Variants in SHANK2 observed in about 807,000 individuals in gnomAD.
The protein encoded by SHANK2 is SH3 and multiple ankyrin repeat domains 2, also known as SH3 and multiple ankyrin repeat domains protein 2.
Under a neutral mutation model 133.7 loss-of-function variants are expected in SHANK2, and 43 were observed. The ratio of observed to expected loss-of-function variants is 0.32; its 90% CI spans 0.25 to 0.41. The LOEUF is 0.41. SHANK2 is among the 10% of genes least tolerant of loss of function. The pLI is 1.00. For missense variants in SHANK2, 1,994 were observed against 2,235.8 expected (o/e 0.89, Z 2.18); for synonymous variants, 1,017 against 952.8 (o/e 1.07, Z -1.24).
intron 1 of SHANK2, among the ~76,000 whole-genome samples, chr11:71,250,554 C>A (rs1468052304): frequency 6.6e-6 from 1 of 152,212 alleles, no homozygotes; most frequent in African/African-American, 2.4e-5. Flanking sequence ...GGGGGCCGAG[C>A]TCGCTCTCCT....
In SHANK2 at chr11:70,502,263, G is replaced by C; in HGVS notation, c.2221C>G (p.Pro741Ala). Residue 741 changes from proline (P) to alanine (A), a missense_variant, in exon 19 of 26, where the codon CCG becomes GCG. Around this residue, in one of 5 missense-constraint regions of SHANK2, gnomAD observed 488 missense variants for 642.6 expected, o/e 0.76. Transcript: ENST00000601538. ...GAGCGCAGGGTGAGGGCTGTGGTCG[G>C]TGCCCGCTTTGGAGGCGGGGGAGCT... ...KKAPPPPKRA[P>A]TTALTLRSKS... The C allele has an allele frequency of 6.4e-7, 1 of 1,558,284 alleles. No individual in the cohort carries two copies. Among genetic ancestry groups the C allele is most frequent in the Non-Finnish European group, 8.7e-7 (1 of 1,149,832 alleles).
At chr11:70,601,624 T>C (rs782593095) in intron 17 of SHANK2, among the ~76,000 whole-genome samples, 7 of 152,150 alleles carry the variant, frequency 4.6e-5, no homozygotes, top group Non-Finnish European at 8.8e-5. Flanking sequence ...AGTGCTGAGA[T>C]TACAGGCGTG....
intron 11 of SHANK2, among the ~76,000 whole-genome samples, chr11:70,846,239 C>A (rs1385936780): frequency 6.6e-6 from 1 of 152,008 alleles, no homozygotes; most frequent in Non-Finnish European, 1.5e-5. Context: ...GCCTTCAATG[C>A]CTCAGGTTAT....
Position 70,487,287 on chromosome 11 carries a change from G to T in SHANK2, c.3006C>A (p.Val1002=), listed in dbSNP as rs1555154324. 1.9e-6 allele frequency: 3 copies of T among 1,614,220 alleles called. No individual in the cohort carries two copies. The highest frequency in any genetic ancestry group is 2.5e-6 in the Non-Finnish European group (3 of 1,180,044). ...VGKIASKAVY[V]PAKPARRKGM... ...CCTTCCGCCTGGCGGGCTTGGCGGG[G>T]ACGTAGACGGCTTTGCTGGCGATCT... Residue 1002 remains valine (V), a synonymous_variant, in exon 25 of 26, where the codon GTC becomes GTA. Coordinates refer to ENST00000601538, the MANE Select transcript of SHANK2 (RefSeq NM_012309.5). This position sits in a 1 kb window ranked among gnomAD's most constrained non-coding sequence, Gnocchi z 5.8.
intron 17 of SHANK2, among the ~76,000 whole-genome samples, chr11:70,553,061 G>A (rs2059789729): frequency 6.6e-6 from 1 of 151,958 alleles, no homozygotes; most frequent in South Asian, 2.1e-4. Context: ...TCGGATTAAG[G>A]CCCCCTCTAA....
At chr11:70,862,532 A>G (rs925844698) in intron 11 of SHANK2, among the ~76,000 whole-genome samples, 6 of 150,920 alleles carry the variant, frequency 4.0e-5, no homozygotes, top group African/African-American at 1.5e-4. Flanking sequence ...ACTGGCTGAT[A>G]GACTGGACTG....
At chr11:70,555,615 T>C (rs71467492) in intron 17 of SHANK2, among the ~76,000 whole-genome samples, 5,970 of 152,310 alleles carry the variant, frequency 0.039, 156 homozygotes, top group Middle Eastern at 0.071. Flanking sequence ...AGGTCGCAGC[T>C]ACTCCAGAGG....
At chr11:70,602,996 C>T (rs764627772) in intron 17 of SHANK2, among the ~76,000 whole-genome samples, 6 of 152,164 alleles carry the variant, frequency 3.9e-5, no homozygotes, top group Non-Finnish European at 8.8e-5. Flanking sequence ...TGGCAGAGGT[C>T]GGCAAAGAAT....
intron 17 of SHANK2, among the ~76,000 whole-genome samples, chr11:70,600,933 A>G (rs2060486900): frequency 6.6e-6 from 1 of 152,236 alleles, no homozygotes; most frequent in South Asian, 2.1e-4. Context: ...TCTGAAGGAA[A>G]GTTTGATAAA....
intron 10 of SHANK2, among the ~76,000 whole-genome samples, chr11:70,905,085 G>A (rs1382760638): frequency 6.6e-6 from 1 of 152,136 alleles, no homozygotes; most frequent in Non-Finnish European, 1.5e-5. Context: ...GTGGAGTGGG[G>A]TGGTGCCAGG....
intron 10 of SHANK2, among the ~76,000 whole-genome samples, chr11:70,941,073 T>C (rs139358228): frequency 3.9e-5 from 6 of 152,316 alleles, no homozygotes; most frequent in East Asian, 3.9e-4. Flanking sequence ...TGGTGTCTGA[T>C]AGTCCCCAAT....
At chr11:70,625,094 G>T (rs1455779012) in intron 17 of SHANK2, among the ~76,000 whole-genome samples, 1 of 152,180 alleles carries the variant, frequency 6.6e-6, no homozygotes, top group Non-Finnish European at 1.5e-5. Flanking sequence ...TCACAGTTAT[G>T]GTTTATTACA....
intron 18 of SHANK2, 66 bp downstream of exon 18, chr11:70,502,730 T>TGGGGGGGGGGGGGGGGGGGC: frequency 1.3e-6 from 1 of 772,456 alleles, no homozygotes. Flanking sequence ...CCAGCTGTCC[T>TGGGGGGGGGGGGGGGGGGGC]GCCCGCCCCC....
rs1398576796 is a variant in SHANK2 at position 70,515,639 on chromosome 11, A to G, written c.2062-12708T>C. Among the ~76,000 whole-genome samples the G allele has an allele frequency of 3.5e-5, 4 of 115,320 alleles. No individual in the cohort carries two copies. In the East Asian group the frequency reaches 1.2e-3, roughly 35 times the overall value. 75.7% of individuals were successfully genotyped at this position (115,320 alleles called of 152,430 possible). A position where few individuals can be genotyped will look rare whatever the true frequency, so the allele number is the denominator to read the frequency against. ...AGCATAGTGAGACCTCGTTCCTTGA[A>G]AAAAAAAAAAAAAAAAAAAAACATT... is the stretch of plus-strand genomic sequence containing the variant. On this transcript the variant is annotated intron_variant, in intron 17 of 25. Coordinates refer to ENST00000601538, the MANE Select transcript of SHANK2 (RefSeq NM_012309.5).
intron 14 of SHANK2, among the ~76,000 whole-genome samples, chr11:70,752,459 C>T (rs1946769611): frequency 6.6e-6 from 1 of 152,136 alleles, no homozygotes; most frequent in Non-Finnish European, 1.5e-5. Flanking sequence ...TGGCTCACGC[C>T]TGTAATCCCA....
intron 11 of SHANK2, among the ~76,000 whole-genome samples, chr11:70,840,212 CAG>C (rs1303767426): frequency 6.6e-6 from 1 of 152,204 alleles, no homozygotes; most frequent in African/African-American, 2.4e-5. Flanking sequence ...CAAAGCCAAC[CAG>C]AGGTGTCCCG....
chr11:70,922,739 T>C (rs1272368044), intron 10 of SHANK2, among the ~76,000 whole-genome samples: 2 of 151,902 alleles, frequency 1.3e-5, no homozygotes, highest in Non-Finnish European at 2.9e-5. Flanking sequence ...TAAAAAAAAT[T>C]CAGAAAGGAA....
chr11:70,822,184 G>T (rs1393695648), intron 11 of SHANK2, among the ~76,000 whole-genome samples: 1 of 152,256 alleles, frequency 6.6e-6, no homozygotes, highest in Non-Finnish European at 1.5e-5. Flanking sequence ...AATCGTGCCT[G>T]CAGCAGCTTT....
chr11:71,233,121 G>A (rs1555123188), intron 1 of SHANK2, among the ~76,000 whole-genome samples: 1 of 150,936 alleles, frequency 6.6e-6, no homozygotes, highest in Non-Finnish European at 1.5e-5. Flanking sequence ...AGGCCAGCCT[G>A]CAGGTACAGG....
Sources: gnomAD v4.1 joint callset for allele counts (sites outside exome capture counted in the v4.1 genomes callset) on GRCh38, gnomAD v4.1.1 for gene constraint, gnomAD v4.1.1 regional missense constraint, Gnocchi (gnomAD v3.1) non-coding constraint, MANE v1.5 for transcripts, NCBI Gene and HGNC (gene_info 2026-07-23, HGNC 2026-07-21) for gene names.